PPP1R1C: variants seen among roughly 807,000 people sequenced by gnomAD.
PPP1R1C encodes the protein protein phosphatase 1 regulatory subunit 1C.
In PPP1R1C, 15 loss-of-function variants were observed where a neutral mutation model predicts 17.4. The observed-to-expected ratio is 0.86, with a 90% CI of 0.58 to 1.33. The LOEUF (loss-of-function observed/expected upper bound fraction) is 1.33. PPP1R1C is among the 40% of genes most tolerant of loss of function. The probability of loss-of-function intolerance (pLI) is 0.00; values close to 1 mark genes in which losing one functional copy is unlikely to be tolerated. For missense variants in PPP1R1C, 143 were observed against 130.0 expected, an observed-to-expected ratio of 1.10 and a Z score of -0.48; for synonymous variants, 35 against 43.1, an observed-to-expected ratio of 0.81 and a Z score of 0.73.
At chr2:181,975,580 C>A (rs1232661473) in intron 2 of PPP1R1C, among the ~76,000 whole-genome samples, 1 of 151,846 alleles carries the variant, frequency 6.6e-6, no homozygotes, top group African/African-American at 2.4e-5. Flanking sequence ...AAAGCTAAAC[C>A]AATAAAATAA....
At position 182,010,774 on chromosome 2, in the gene PPP1R1C, T is replaced by C. The variant is rs148022783; in HGVS notation, c.142+22875T>C. 7.2e-5 allele frequency among the ~76,000 whole-genome samples: 11 copies of C among 152,190 alleles called. No homozygotes were observed. The East Asian group carries it at 2.1e-3, about 29-fold the overall frequency. On this transcript the variant is annotated intron_variant, in intron 2 of 4. Transcript: ENST00000682840. ...AGCTTGTGGATTTGTCATATATGGC[T>C]TTCCTGTGTGGAGGTATGTACCTTC...
rs1436271742 is a variant in PPP1R1C at position 182,072,949 on chromosome 2, C to G, written c.241+9158C>G. Among the ~76,000 whole-genome samples, 16 of 152,272 alleles carry G rather than the reference C, an allele frequency of 1.1e-4. No homozygotes were observed. The South Asian group carries it at 1.2e-3, about 12-fold the overall frequency. On this transcript the variant is annotated intron_variant, in intron 4 of 4. Coordinates refer to ENST00000682840, the MANE Select transcript of PPP1R1C (RefSeq NM_001080545.3). ...TCACTAATTCCTTTAGAGTAAGTCCCTGGAAATGATGTACAGGTCTCTTTA... is the reference window on the plus strand; with the variant it reads ...TCACTAATTCCTTTAGAGTAAGTCCGTGGAAATGATGTACAGGTCTCTTTA...
chr2:182,088,811 T>C (rs1003258193), intron 4 of PPP1R1C, among the ~76,000 whole-genome samples: 13 of 152,196 alleles, frequency 8.5e-5, no homozygotes, highest in Non-Finnish European at 1.8e-4. Context: ...AATTTGCTAA[T>C]AGGATTACTA....
At chr2:182,092,599 A>G (rs1326479748) in intron 4 of PPP1R1C, among the ~76,000 whole-genome samples, 1 of 152,220 alleles carries the variant, frequency 6.6e-6, no homozygotes, top group African/African-American at 2.4e-5. Flanking sequence ...TAAAATCAAA[A>G]GCAAATTATA....
chr2:181,969,202 C>G (rs946271908), intron 1 of PPP1R1C, among the ~76,000 whole-genome samples: 2 of 152,072 alleles, frequency 1.3e-5, no homozygotes, highest in Non-Finnish European at 2.9e-5. Context: ...GAGTTTTATA[C>G]CTTCAGATAA....
At chr2:181,988,068 C>T (rs895273133) in intron 2 of PPP1R1C, among the ~76,000 whole-genome samples, 169 bp downstream of exon 2, 1 of 152,174 alleles carries the variant, frequency 6.6e-6, no homozygotes, top group African/African-American at 2.4e-5. Context: ...ATAAATATTA[C>T]AGGAATAATC....
chr2:181,994,348 A>G (rs146528084), intron 2 of PPP1R1C, among the ~76,000 whole-genome samples: 7 of 152,290 alleles, frequency 4.6e-5, no homozygotes, highest in African/African-American at 1.7e-4. Flanking sequence ...AGAGATATCT[A>G]TCAAATACTC....
intron 2 of PPP1R1C, among the ~76,000 whole-genome samples, chr2:182,018,916 G>A (rs1164743476): frequency 6.6e-6 from 1 of 152,146 alleles, no homozygotes; most frequent in Non-Finnish European, 1.5e-5. Flanking sequence ...GGAGTCTTAA[G>A]TATGGATAAT....
chr2:182,096,009 AG>A (rs1381722038), intron 4 of PPP1R1C, among the ~76,000 whole-genome samples: 1 of 151,568 alleles, frequency 6.6e-6, no homozygotes, highest in African/African-American at 2.4e-5. Context: ...AAAAAAAAAA[AG>A]GTAGTACCTG....
intron 2 of PPP1R1C, among the ~76,000 whole-genome samples, chr2:182,041,609 CA>C (rs71405472): frequency 0.046 from 2,663 of 58,438 alleles, 11 homozygotes; most frequent in South Asian, 0.089. Flanking sequence ...GACTCTGTCT[CA>C]AAAAAAAAAA....
chr2:182,035,672 C>G (rs1417934666), intron 2 of PPP1R1C, among the ~76,000 whole-genome samples: 1 of 152,250 alleles, frequency 6.6e-6, no homozygotes, highest in South Asian at 2.1e-4. Flanking sequence ...CTCTCTCTCT[C>G]TCATGCTGGC....
At chr2:181,988,765 T>C (rs1685374870) in intron 2 of PPP1R1C, among the ~76,000 whole-genome samples, 2 of 152,320 alleles carry the variant, frequency 1.3e-5, no homozygotes, top group Non-Finnish European at 1.5e-5. Context: ...AAATAGTCCT[T>C]GACTTTTTCA....
At chr2:181,995,926 G>A (rs932104318) in intron 2 of PPP1R1C, among the ~76,000 whole-genome samples, 3 of 152,092 alleles carry the variant, frequency 2.0e-5, no homozygotes, top group Non-Finnish European at 4.4e-5. Flanking sequence ...GAAATGCCCC[G>A]GGACCTGGGC....
Position 182,117,225 on chromosome 2 carries a change from G to A in PPP1R1C, c.260G>A (p.Gly87Asp). ...ATTTCAGGGGTTAAGCATCTGAAAG[G>A]CCAGAATGAATCAGCATTCCCTGAA... ...PTIKGVKHLK[G>D]QNESAFPEEE... The change falls in exon 5 of 5, where the codon GGC becomes GAC. Residue 87 changes from glycine (G) to aspartate (D), a missense_variant. Gly to Asp is a moderately conservative substitution (Grantham distance 94, BLOSUM62 -1). Transcript: ENST00000682840. The A allele has an allele frequency of 6.4e-7, 1 of 1,557,582 alleles. No homozygotes were observed. The highest frequency in any genetic ancestry group is 8.7e-7 in the Non-Finnish European group (1 of 1,150,246).
intron 4 of PPP1R1C, among the ~76,000 whole-genome samples, chr2:182,079,868 G>A (rs535470602): frequency 5.9e-5 from 9 of 152,194 alleles, no homozygotes; most frequent in South Asian, 2.1e-4. Flanking sequence ...CACTCTTCCC[G>A]TGGCCTGCTC....
chr2:182,104,935 A>G (rs6433954), intron 4 of PPP1R1C, among the ~76,000 whole-genome samples: 36,910 of 152,064 alleles, frequency 0.24, 5,010 homozygotes, highest in African/African-American at 0.37. Context: ...CAATTGCCTT[A>G]CTTGTTATTA....
At position 182,085,390 on chromosome 2, in the gene PPP1R1C, G is replaced by A. The variant is rs1289236986; in HGVS notation, c.241+21599G>A. On this transcript the variant is annotated intron_variant, in intron 4 of 4. Transcript: ENST00000682840. ...AACACACACACTAGTCTCTAAAAAA[G>A]TAAAATGTTATGAATATTCATCCTT... Among the ~76,000 whole-genome samples, 3 of 152,138 alleles carry A rather than the reference G, an allele frequency of 2.0e-5. No individual in the cohort carries two copies. The East Asian group carries it at 5.8e-4, about 29-fold the overall frequency.
chr2:182,120,092 A>G (rs990895057), downstream of PPP1R1C, among the ~76,000 whole-genome samples: 6 of 152,176 alleles, frequency 3.9e-5, no homozygotes, highest in Admixed American at 1.3e-4. Flanking sequence ...TATAAGGTGT[A>G]AGGAAGGGAT....
At chr2:182,039,043 G>T (rs995108415) in intron 2 of PPP1R1C, among the ~76,000 whole-genome samples, 1 of 152,130 alleles carries the variant, frequency 6.6e-6, no homozygotes, top group African/African-American at 2.4e-5. Context: ...TACGAGTTTG[G>T]AGTAGATGTT....
Sources: gnomAD v4.1 joint callset for allele counts (sites outside exome capture counted in the v4.1 genomes callset) on GRCh38, gnomAD v4.1.1 for gene constraint, MANE v1.5 for transcripts, NCBI Gene and HGNC (gene_info 2026-07-23, HGNC 2026-07-21) for gene names.